Variants in HEMK1 observed in about 807,000 individuals in gnomAD.
HEMK1 encodes MTRF1L release factor glutamine methyltransferase.
A neutral mutation model predicts 47.9 loss-of-function variants in HEMK1; 36 were observed. The observed-to-expected ratio is 0.75, with a 90% CI of 0.58 to 0.99. The LOEUF (loss-of-function observed/expected upper bound fraction) is 0.99, where lower values mean the gene tolerates loss of function less well. HEMK1 is among the 50% of genes least tolerant of loss of function. HEMK1 has a pLI of 0.00. For synonymous variants in HEMK1, 153 were observed against 165.4 expected, an observed-to-expected ratio of 0.93 and a Z score of 0.57; for missense variants, 383 against 434.5, an observed-to-expected ratio of 0.88 and a Z score of 1.05.
In HEMK1 at chr3:50,572,182, G is replaced by A. The variant is rs1701061510; in HGVS notation, c.388G>A (p.Val130Met). The change falls in exon 4 of 11, where the codon GTG (valine) becomes ATG (methionine). Residue 130 changes from valine to methionine, a missense_variant. Physicochemically the swap from Val to Met is conservative, Grantham distance 21 (BLOSUM62 1). Coordinates refer to ENST00000232854, the MANE Select transcript of HEMK1 (RefSeq NM_016173.5). ...QGLSLRMVPPVFIPRPETEEL... is the reference protein window; with the variant it reads ...QGLSLRMVPPMFIPRPETEEL... ...GCTCAGCCTAAGGATGGTGCCCCCAGTGTTTATTCCTCGGCCAGAAACAGA... is the reference window on the plus strand; with the variant it reads ...GCTCAGCCTAAGGATGGTGCCCCCAATGTTTATTCCTCGGCCAGAAACAGA... The A allele has an allele frequency of 6.2e-7, 1 of 1,613,648 alleles. No individual in the cohort carries two copies. The highest frequency in any genetic ancestry group is 8.5e-7 in the Non-Finnish European group (1 of 1,179,908).
In HEMK1 at chr3:50,580,434, A is replaced by C; in HGVS notation, c.*17A>C. On this transcript the variant is annotated 3_prime_UTR_variant, in exon 11 of 11. Coordinates refer to ENST00000232854, the MANE Select transcript of HEMK1 (RefSeq NM_016173.5). ...GGGCCATAGCATGGCTGCCCTGTGG[A>C]TGCCTTGTCAGTGCCGCCAGCCTGA... 3 of 1,613,968 alleles carry C rather than the reference A, an allele frequency of 1.9e-6. No homozygotes were observed. The highest frequency in any genetic ancestry group is 2.5e-6 in the Non-Finnish European group (3 of 1,179,932).
chr3:50,572,708 GC>G (rs1215507590), intron 4 of HEMK1, among the ~76,000 whole-genome samples: 1 of 152,236 alleles, frequency 6.6e-6, no homozygotes. Context: ...GAATCTGGTG[GC>G]CCTCTTAGGT....
intron 4 of HEMK1, among the ~76,000 whole-genome samples, chr3:50,572,442 A>G (rs561046214): frequency 6.6e-6 from 1 of 152,222 alleles, no homozygotes; most frequent in East Asian, 1.9e-4. Context: ...AGGTCTGGCA[A>G]TGGCCCAGAG....
In HEMK1 at chr3:50,578,899, T is replaced by C; in HGVS notation, c.743T>C (p.Met248Thr). The change falls in exon 8 of 11, where the codon ATG (methionine) becomes ACG (threonine). Residue 248 changes from methionine to threonine, a missense_variant. Met to Thr is a moderately conservative substitution (Grantham distance 81). Transcript: ENST00000232854. ...CCTCCCTACGTCTTCCACCAGGACA[T>C]GGAGCAGCTGGCCCCTGAGATCCGC... is the stretch of plus-strand genomic sequence containing the variant. The part of the protein sequence containing the change: ...SNPPYVFHQD[M>T]EQLAPEIRSY... The C allele has an allele frequency of 6.2e-7, 1 of 1,612,418 alleles. No individual in the cohort carries two copies. Among genetic ancestry groups the C allele is most frequent in the African/African-American group, 1.3e-5 (1 of 74,940 alleles).
At chr3:50,576,551 C>A (rs938584003) in intron 4 of HEMK1, among the ~76,000 whole-genome samples, 1 of 152,160 alleles carries the variant, frequency 6.6e-6, no homozygotes, top group African/African-American at 2.4e-5. Context: ...CTAGAGACAT[C>A]CGCCACCATG....
chr3:50,577,018 C>G (rs1701663456), intron 4 of HEMK1, 34 bp from the exon 5 acceptor site: 1 of 1,612,496 alleles, frequency 6.2e-7, no homozygotes, highest in Non-Finnish European at 8.5e-7. Flanking sequence ...GCCACGTTGG[C>G]ACCGACTCTG....
intron 3 of HEMK1, 30 bp from the exon 4 acceptor site, chr3:50,572,085 C>T (rs1014050287): frequency 1.9e-6 from 3 of 1,612,316 alleles, no homozygotes; most frequent in Non-Finnish European, 2.5e-6. Context: ...AGCTCTGTCC[C>T]TGATGACCAC....
intron 5 of HEMK1, 136 bp downstream of exon 5, chr3:50,577,322 C>A: frequency 8.4e-7 from 1 of 1,192,600 alleles, no homozygotes; most frequent in Admixed American, 1.9e-5. Context: ...CTGCCCCTAG[C>A]CCACTGTGGT....
chr3:50,592,363 C>T lies in HEMK1; in HGVS notation c.*11946C>T, dbSNP rs1210318672. ...ACAGGCTCCTCCCAGCTTTCACTAA[C>T]CAACCCCAGGATTTCCAATACCGGT... is the stretch of plus-strand genomic sequence containing the variant. On this transcript the variant is annotated 3_prime_UTR_variant, in exon 11 of 11. Coordinates refer to ENST00000232854, the MANE Select transcript of HEMK1 (RefSeq NM_016173.5). The T allele has an allele frequency of 6.6e-6, 1 of 152,200 alleles. No individual in the cohort carries two copies. The highest frequency in any genetic ancestry group is 1.5e-5 in the Non-Finnish European group (1 of 68,044). 9.4% of individuals were successfully genotyped at this position (152,200 alleles called of 1,614,324 possible).
Position 50,591,227 on chromosome 3 carries a change from C to T in HEMK1, c.*10810C>T, listed in dbSNP as rs1244612776. ...CATCTGGCCTGTCTCACCTGTCTTA[C>T]CTGCAGGCCCATCATTCCTGCACAG... On this transcript the variant is annotated 3_prime_UTR_variant, in exon 11 of 11. Transcript: ENST00000232854. The T allele has an allele frequency of 6.6e-6, 1 of 152,266 alleles. No homozygotes were observed. Among genetic ancestry groups the T allele is most frequent in the Non-Finnish European group, 1.5e-5 (1 of 68,068 alleles). 9.4% of individuals were successfully genotyped at this position (152,266 alleles called of 1,614,324 possible). A position where few individuals can be genotyped will look rare whatever the true frequency, so the allele number is the denominator to read the frequency against.
At position 50,580,184 on chromosome 3, in the gene HEMK1, A is replaced by G. The variant is rs1279774286; in HGVS notation, c.935A>G (p.Asp312Gly). The change falls in exon 10 of 11, where the codon GAC (aspartate) becomes GGC (glycine). Residue 312 changes from aspartate to glycine, a missense_variant. Transcript: ENST00000232854. ...LVSSWLQSRP[D>G]LYLNLVAVRR... ...AGCAGCTGGCTTCAGAGCCGGCCTG[A>G]CCTGTACCTTAATCTTGTGGCTGTG... 1.9e-5 allele frequency: 30 copies of G among 1,614,120 alleles called. No homozygotes were observed. The highest frequency in any genetic ancestry group is 2.5e-5 in the Non-Finnish European group (29 of 1,180,018).
intron 3 of HEMK1, 120 bp from the exon 4 acceptor site, chr3:50,571,995 C>A: frequency 6.6e-7 from 1 of 1,517,786 alleles, no homozygotes; most frequent in Non-Finnish European, 8.9e-7. Flanking sequence ...TCAGGAGTCC[C>A]AAGGCCCTGG....
In HEMK1 at chr3:50,592,609, C is replaced by G. The variant is rs1447476517; in HGVS notation, c.*12192C>G. ...AAAAGCCAAAAATTGACCCCTAGAGCCTGAGACTCTGGATGGAGGATCTTC... is the reference window on the plus strand; with the variant it reads ...AAAAGCCAAAAATTGACCCCTAGAGGCTGAGACTCTGGATGGAGGATCTTC... On this transcript the variant is annotated 3_prime_UTR_variant, in exon 11 of 11. Coordinates refer to ENST00000232854, the MANE Select transcript of HEMK1 (RefSeq NM_016173.5). 6.6e-6 allele frequency: 1 copy of G among 152,266 alleles called. No individual in the cohort carries two copies. The highest frequency in any genetic ancestry group is 1.5e-5 in the Non-Finnish European group (1 of 68,088). 9.4% of individuals were successfully genotyped at this position (152,266 alleles called of 1,614,324 possible).
rs1172910295 is a variant in HEMK1 at position 50,594,139 on chromosome 3, G to A, written c.*13722G>A. On this transcript the variant is annotated 3_prime_UTR_variant, in exon 11 of 11. Transcript: ENST00000232854. ...GTAACGACTAGAGCATTTGTATATT[G>A]TTTCTCACTTGGGGTGCCTCTGGTC... 1.3e-5 allele frequency: 2 copies of A among 152,090 alleles called. No individual in the cohort carries two copies. Among genetic ancestry groups the A allele is most frequent in the Non-Finnish European group, 2.9e-5 (2 of 68,016 alleles). The allele number at this position is 152,090 out of a possible 1,614,324, so 9.4% of individuals were successfully genotyped here. A position where few individuals can be genotyped will look rare whatever the true frequency, so the allele number is the denominator to read the frequency against.
At chr3:50,577,744 A>G (rs2029935387) in intron 6 of HEMK1, 82 bp from the exon 7 acceptor site, 2 of 1,491,956 alleles carry the variant, frequency 1.3e-6, no homozygotes, top group Non-Finnish European at 1.9e-6. Flanking sequence ...CAGTCCAAGA[A>G]GGGTTGACTA....
chr3:50,586,257 C>T lies in HEMK1; in HGVS notation c.*5840C>T, dbSNP rs1559470338. 3 of 152,228 alleles carry T rather than the reference C, an allele frequency of 2.0e-5. No individual in the cohort carries two copies. Among genetic ancestry groups the T allele is most frequent in the Non-Finnish European group, 4.4e-5 (3 of 68,044 alleles). The allele number at this position is 152,228 out of a possible 1,614,324, so 9.4% of individuals were successfully genotyped here. ...ATCAGAAGCTTCAAATTCTAGAGGC[C>T]CCTTTTCTTCCAAAGACTACCTCTC... On this transcript the variant is annotated 3_prime_UTR_variant, in exon 11 of 11. Coordinates refer to ENST00000232854, the MANE Select transcript of HEMK1 (RefSeq NM_016173.5).
At chr3:50,575,575 T>A (rs1160191354) in intron 4 of HEMK1, among the ~76,000 whole-genome samples, 2 of 152,212 alleles carry the variant, frequency 1.3e-5, no homozygotes, top group Admixed American at 6.5e-5. Context: ...ATCCTTAGGC[T>A]AGACCTTAGG....
rs1300205635 is a variant in HEMK1 at position 50,571,215 on chromosome 3, G to A, written c.111G>A (p.Gly37=). The A allele has an allele frequency of 3.1e-6, 5 of 1,613,810 alleles. No individual in the cohort carries two copies. Among genetic ancestry groups the A allele is most frequent in the Non-Finnish European group, 3.4e-6 (4 of 1,179,958 alleles). ...SSWQPQPPLA[G]LSSAIELVSH... ...GGCAACCCCAACCACCTCTGGCTGG[G>A]TTATCCAGTGCCATAGAACTGGTCA... Residue 37 remains glycine (G), a synonymous_variant, in exon 2 of 11, where the codon GGG becomes GGA. Transcript: ENST00000232854.
chr3:50,577,092 C>T lies in HEMK1; in HGVS notation c.455C>T (p.Ser152Phe), dbSNP rs765323226. 102 of 1,614,004 alleles carry T rather than the reference C, an allele frequency of 6.3e-5. No homozygotes were observed. In the Middle Eastern group the frequency reaches 6.6e-4, roughly 10 times the overall value. ...GTGCTGGAAGAGGTGGCCCAGAGGT[C>T]CCATGCTGTGGGATCCCCAGGCAGC... is the stretch of plus-strand genomic sequence containing the variant. The part of the protein sequence containing the change: ...EWVLEEVAQR[S>F]HAVGSPGSPL... The change falls in exon 5 of 11, where the codon TCC (serine) becomes TTC (phenylalanine). Residue 152 changes from serine (S) to phenylalanine (F), a missense_variant. Coordinates refer to ENST00000232854, the MANE Select transcript of HEMK1 (RefSeq NM_016173.5).
Sources: gnomAD v4.1 joint callset for allele counts (sites outside exome capture counted in the v4.1 genomes callset) on GRCh38, gnomAD v4.1.1 for gene constraint, MANE v1.5 for transcripts, NCBI Gene and HGNC (gene_info 2026-07-23, HGNC 2026-07-21) for gene names.